XRCC4: variants seen among roughly 807,000 people sequenced by gnomAD.
XRCC4 encodes the protein X-ray repair cross complementing 4.
Under a neutral mutation model 39.1 loss-of-function variants are expected in XRCC4, and 28 were observed. The observed-to-expected ratio is 0.72, with a 90% CI of 0.53 to 0.98. XRCC4 has a LOEUF of 0.98. Ranked by LOEUF, XRCC4 falls within the 50% of genes least tolerant of loss-of-function variation. XRCC4 has a pLI of 0.00. For synonymous variants in XRCC4, 123 were observed against 126.4 expected, an observed-to-expected ratio of 0.97 and a Z score of 0.18; for missense variants, 350 against 376.4, an observed-to-expected ratio of 0.93 and a Z score of 0.58.
At chr5:83,088,776 A>G (rs1745294827) in intron 1 of XRCC4, among the ~76,000 whole-genome samples, 1 of 152,212 alleles carries the variant, frequency 6.6e-6, no homozygotes, top group African/African-American at 2.4e-5. Flanking sequence ...TAACATTTCC[A>G]ACTTCCTTCT....
chr5:83,264,427 TTAA>T (rs1252034395), intron 7 of XRCC4, among the ~76,000 whole-genome samples: 2 of 152,188 alleles, frequency 1.3e-5, no homozygotes, highest in East Asian at 1.9e-4. Context: ...GTTTTTATTA[TTAA>T]TGTTATGAAT....
intron 7 of XRCC4, among the ~76,000 whole-genome samples, chr5:83,302,435 C>T (rs1755321979): frequency 6.6e-6 from 1 of 152,194 alleles, no homozygotes; most frequent in Admixed American, 6.5e-5. Context: ...CTTCCCTTGG[C>T]TAGCGGAGGG....
At chr5:83,220,171 T>G (rs1352462224) in intron 6 of XRCC4, among the ~76,000 whole-genome samples, 1 of 152,152 alleles carries the variant, frequency 6.6e-6, no homozygotes, top group Non-Finnish European at 1.5e-5. Context: ...TTAATTATAG[T>G]AAAACTGACT....
intron 7 of XRCC4, among the ~76,000 whole-genome samples, chr5:83,324,190 G>T (rs2441006): frequency 2.0e-5 from 3 of 151,948 alleles, no homozygotes; most frequent in Non-Finnish European, 2.9e-5. Context: ...CTATTAAGCC[G>T]CAGAAAATAT....
intron 7 of XRCC4, among the ~76,000 whole-genome samples, chr5:83,296,850 A>G (rs1171490313): frequency 1.3e-5 from 2 of 151,054 alleles, no homozygotes; most frequent in Non-Finnish European, 3.0e-5. Flanking sequence ...TTATATACCA[A>G]TATATTTGAG....
intron 6 of XRCC4, 85 bp from the exon 7 acceptor site, chr5:83,258,445 A>G: frequency 6.8e-7 from 1 of 1,472,086 alleles, no homozygotes. Context: ...TTGTCACCTT[A>G]TGTCAATGCT....
intron 7 of XRCC4, among the ~76,000 whole-genome samples, chr5:83,322,489 C>T (rs983723835): frequency 2.0e-5 from 3 of 152,098 alleles, no homozygotes; most frequent in African/African-American, 7.2e-5. Context: ...ATAACCACTC[C>T]CTCCATCTCC....
At chr5:83,132,675 G>A (rs948793043) in intron 3 of XRCC4, among the ~76,000 whole-genome samples, 2 of 151,696 alleles carry the variant, frequency 1.3e-5, no homozygotes, top group Non-Finnish European at 1.5e-5. Flanking sequence ...GATTGAATCG[G>A]CCACTGAAGC....
chr5:83,099,187 G>T (rs1745812717), intron 1 of XRCC4, among the ~76,000 whole-genome samples: 4 of 152,104 alleles, frequency 2.6e-5, no homozygotes, highest in Admixed American at 2.6e-4. Flanking sequence ...TCAACAAGGG[G>T]GCACTTAAGT....
chr5:83,154,788 T>C (rs1748879026), intron 3 of XRCC4, among the ~76,000 whole-genome samples: 1 of 152,158 alleles, frequency 6.6e-6, no homozygotes, highest in African/African-American at 2.4e-5. Context: ...ATTGGACAAA[T>C]TGAAAAGTAA....
intron 3 of XRCC4, among the ~76,000 whole-genome samples, chr5:83,116,617 T>G (rs867858376): frequency 0.46 from 42,060 of 92,166 alleles, 8,123 homozygotes; most frequent in South Asian, 0.6. Flanking sequence ...TCTTTTTTTT[T>G]TTTTTTTTTT....
intron 3 of XRCC4, among the ~76,000 whole-genome samples, chr5:83,193,389 GACTAGAA>G (rs1269810626): frequency 6.6e-6 from 1 of 151,832 alleles, no homozygotes; most frequent in Non-Finnish European, 1.5e-5. Flanking sequence ...TCTATTGAAG[GACTAGAA>G]ACTGGTGACA....
chr5:83,259,430 G>C (rs752832513), intron 7 of XRCC4: 20 of 152,098 alleles, frequency 1.3e-4, no homozygotes, highest in Non-Finnish European at 2.4e-4. Context: ...AGGATGGAAT[G>C]AGGGTACCTG....
chr5:83,169,498 A>T (rs1749630309), intron 3 of XRCC4, among the ~76,000 whole-genome samples: 1 of 152,232 alleles, frequency 6.6e-6, no homozygotes, highest in Non-Finnish European at 1.5e-5. Flanking sequence ...TTAAACAAAA[A>T]GCAAGTGCTG....
At chr5:83,164,277 T>A (rs918885674) in intron 3 of XRCC4, among the ~76,000 whole-genome samples, 2 of 152,146 alleles carry the variant, frequency 1.3e-5, no homozygotes, top group East Asian at 3.8e-4. Context: ...CATGAGTGAA[T>A]TTCAAACGTT....
At chr5:83,289,227 C>T (rs960668202) in intron 7 of XRCC4, among the ~76,000 whole-genome samples, 9 of 151,894 alleles carry the variant, frequency 5.9e-5, no homozygotes, top group African/African-American at 1.9e-4. Context: ...ATTACTTTAC[C>T]GTGTCTGATG....
chr5:83,283,618 A>G (rs3777033), intron 7 of XRCC4, among the ~76,000 whole-genome samples: 10,014 of 152,274 alleles, frequency 0.066, 962 homozygotes, highest in East Asian at 0.48. Flanking sequence ...GTGCATGTTT[A>G]GTCAAATTTA....
At chr5:83,335,201 C>T (rs1200548818) in intron 7 of XRCC4, among the ~76,000 whole-genome samples, 1 of 151,850 alleles carries the variant, frequency 6.6e-6, no homozygotes, top group Non-Finnish European at 1.5e-5. Context: ...AATGGTCTAT[C>T]ATTATTGTAA....
chr5:83,193,735 A>G (rs1308645150), intron 3 of XRCC4, among the ~76,000 whole-genome samples: 1 of 152,148 alleles, frequency 6.6e-6, no homozygotes, highest in Non-Finnish European at 1.5e-5. Flanking sequence ...AAAACTTTTT[A>G]TTTCTAAAAA....
Sources: gnomAD v4.1 joint callset for allele counts (sites outside exome capture counted in the v4.1 genomes callset) on GRCh38, gnomAD v4.1.1 for gene constraint, MANE v1.5 for transcripts, NCBI Gene and HGNC (gene_info 2026-07-23, HGNC 2026-07-21) for gene names.